Variants in ST3GAL3 observed in about 807,000 individuals in gnomAD.
ST3GAL3 encodes the protein ST3 beta-galactoside alpha-2,3-sialyltransferase 3, also known as CMP-N-acetylneuraminate-beta-1,4-galactoside alpha-2,3-sialyltransferase.
A neutral mutation model predicts 50.1 loss-of-function variants in ST3GAL3; 21 were observed. That is an observed-to-expected ratio of 0.42 (90% CI 0.30 to 0.60). ST3GAL3 has a LOEUF of 0.60. Ranked by LOEUF, ST3GAL3 falls within the 20% of genes least tolerant of loss-of-function variation. The pLI, the probability that ST3GAL3 is intolerant of heterozygous loss-of-function variation, is 0.19. For missense variants in ST3GAL3, 353 were observed against 489.4 expected, an observed-to-expected ratio of 0.72 and a Z score of 2.63; for synonymous variants, 183 against 190.0, an observed-to-expected ratio of 0.96 and a Z score of 0.30.
rs193207161 is a variant in ST3GAL3, at chr1:43,922,749, G to A, written c.1038+1821G>A. 7.9e-4 allele frequency among the ~76,000 whole-genome samples: 113 copies of A among 142,826 alleles called. 1 individual carries two copies. In the Middle Eastern group the frequency reaches 0.013, roughly 16 times the overall value. The allele number at this position is 142,826 out of a possible 152,430, so 93.7% of individuals were successfully genotyped here. On this transcript the variant is annotated intron_variant, in intron 11 of 11. Coordinates refer to ENST00000347631, the MANE Select transcript of ST3GAL3 (RefSeq NM_006279.5). Reference sequence around the variant, plus strand: ...TGGGAGGTGGAGGTTGCAGTGAGCCGAGATCATGCCACTGCACTCCAGCCT... The same window carrying A: ...TGGGAGGTGGAGGTTGCAGTGAGCCAAGATCATGCCACTGCACTCCAGCCT...
At chr1:43,867,301 A>G (rs774391474) in intron 5 of ST3GAL3, among the ~76,000 whole-genome samples, 3 of 152,200 alleles carry the variant, frequency 2.0e-5, no homozygotes, top group Non-Finnish European at 4.4e-5. Context: ...CAGCCAAACC[A>G]TATCAGTAGG....
chr1:43,915,260 C>A (rs566179578), intron 9 of ST3GAL3, among the ~76,000 whole-genome samples: 1 of 152,168 alleles, frequency 6.6e-6, no homozygotes, highest in South Asian at 2.1e-4. Context: ...CTTTAGTAAC[C>A]GTCACTGATG....
chr1:43,758,310 GTGCAATTATAGTTCAC>G (rs1359954006), intron 2 of ST3GAL3, among the ~76,000 whole-genome samples: 1 of 152,116 alleles, frequency 6.6e-6, no homozygotes, highest in Admixed American at 6.5e-5. Flanking sequence ...GAGTGCAGTG[GTGCAATTATAGTTCAC>G]TGCAACCTCA....
At chr1:43,792,172 C>G in intron 3 of ST3GAL3, 23 bp downstream of exon 3, 8 of 1,614,206 alleles carry the variant, frequency 5.0e-6, no homozygotes, top group Non-Finnish European at 6.8e-6. Flanking sequence ...CCCCCTCTAT[C>G]ATCTTTTTGG....
At chr1:43,740,419 C>T (rs1393429314) in intron 2 of ST3GAL3, among the ~76,000 whole-genome samples, 2 of 151,664 alleles carry the variant, frequency 1.3e-5, no homozygotes, top group Admixed American at 1.3e-4. Flanking sequence ...CGGGTAGTTG[C>T]CTCTTTGCAA....
At chr1:43,758,548 A>G (rs1196350672) in intron 2 of ST3GAL3, among the ~76,000 whole-genome samples, 1 of 152,096 alleles carries the variant, frequency 6.6e-6, no homozygotes, top group African/African-American at 2.4e-5. Flanking sequence ...CACCGCACCT[A>G]ATCTTAATAA....
At chr1:43,778,636 CTTTTTTTCT>C (rs1441089230) in intron 2 of ST3GAL3, among the ~76,000 whole-genome samples, 12 of 125,936 alleles carry the variant, frequency 9.5e-5, no homozygotes, top group African/African-American at 2.8e-4. Flanking sequence ...GATTTCTTTT[CTTTTTTTCT>C]TTTTTTTTTT....
chr1:43,743,184 AT>A (rs1181606927), intron 2 of ST3GAL3, among the ~76,000 whole-genome samples: 2 of 146,194 alleles, frequency 1.4e-5, no homozygotes, highest in African/African-American at 5.0e-5. Flanking sequence ...GGAAAAAAAA[AT>A]AAATAATGGC....
At chr1:43,723,596 A>T (rs1438466889) in intron 1 of ST3GAL3, among the ~76,000 whole-genome samples, 1 of 151,582 alleles carries the variant, frequency 6.6e-6, no homozygotes, top group Non-Finnish European at 1.5e-5. Flanking sequence ...TTCTTTTTTT[A>T]TACCAGTCTC....
At chr1:43,749,828 CAG>C (rs150622317) in intron 2 of ST3GAL3, among the ~76,000 whole-genome samples, 224 of 152,238 alleles carry the variant, frequency 1.5e-3, no homozygotes, top group African/African-American at 5.2e-3. Flanking sequence ...AAGGGCTTGA[CAG>C]AGAGAGTTTG....
At chr1:43,890,138 T>A (rs1200938717) in intron 5 of ST3GAL3, among the ~76,000 whole-genome samples, 1 of 152,156 alleles carries the variant, frequency 6.6e-6, no homozygotes, top group East Asian at 1.9e-4. Context: ...TAGTTAAAAT[T>A]TTAGGTGTGA....
At chr1:43,731,421 GTCAC>G (rs1675760623) in intron 1 of ST3GAL3, among the ~76,000 whole-genome samples, 1 of 121,814 alleles carries the variant, frequency 8.2e-6, no homozygotes, top group Non-Finnish European at 1.6e-5. Context: ...GTCTTGCTCT[GTCAC>G]TCGGGCTGGA....
At chr1:43,719,390 G>A (rs1557993467) in intron 1 of ST3GAL3, among the ~76,000 whole-genome samples, 2 of 149,898 alleles carry the variant, frequency 1.3e-5, no homozygotes, top group Admixed American at 1.3e-4. Context: ...GGCCAGGCAC[G>A]GTGGCTCATG....
At chr1:43,795,743 C>G (rs1205228581) in intron 3 of ST3GAL3, among the ~76,000 whole-genome samples, 2 of 152,202 alleles carry the variant, frequency 1.3e-5, no homozygotes, top group Non-Finnish European at 2.9e-5. Flanking sequence ...CACACTCACT[C>G]TATCTCTGAA....
At chr1:43,900,504 G>A (rs1181433365) in intron 9 of ST3GAL3, among the ~76,000 whole-genome samples, 2 of 151,760 alleles carry the variant, frequency 1.3e-5, no homozygotes, top group East Asian at 2.0e-4. Context: ...GGACATCCGT[G>A]AACTTGTCCA....
intron 4 of ST3GAL3, among the ~76,000 whole-genome samples, chr1:43,836,956 G>A (rs1490921822): frequency 1.4e-5 from 1 of 69,432 alleles, no homozygotes; most frequent in Non-Finnish European, 2.8e-5. Flanking sequence ...ATATGTAGCA[G>A]TCTCAGCCTT....
intron 4 of ST3GAL3, among the ~76,000 whole-genome samples, chr1:43,818,173 T>C (rs924826738): frequency 6.6e-6 from 1 of 152,202 alleles, no homozygotes; most frequent in African/African-American, 2.4e-5. Flanking sequence ...CTTCTCATTA[T>C]ATTAACTTAT....
chr1:43,759,043 T>TA lies in ST3GAL3; in HGVS notation c.118+22669dup, dbSNP rs200565951. Among the ~76,000 whole-genome samples the TA allele has an allele frequency of 5.8e-3, 738 of 127,532 alleles. 16 individuals are homozygous for TA. Among genetic ancestry groups the TA allele is most frequent in the African/African-American group, 0.023 (684 of 30,278 alleles). The allele number at this position is 127,532 out of a possible 152,430, so 83.7% of individuals were successfully genotyped here. ...TGGGCAACAGAGCGAGACTGTCTCC[T>TA]AAAAAACAAACAAAAGCGCGCGCAC... On this transcript the variant is annotated intron_variant, in intron 2 of 11. Coordinates refer to ENST00000347631, the MANE Select transcript of ST3GAL3 (RefSeq NM_006279.5).
At chr1:43,844,235 T>A (rs547955176) in intron 5 of ST3GAL3, among the ~76,000 whole-genome samples, 3 of 152,262 alleles carry the variant, frequency 2.0e-5, no homozygotes, top group African/African-American at 7.2e-5. Context: ...ATTCATTGCA[T>A]CATTGACCAC....
Sources: allele counts gnomAD v4.1 joint callset (sites outside exome capture counted in the v4.1 genomes callset), GRCh38; gene constraint gnomAD v4.1.1; transcripts MANE v1.5; gene names NCBI Gene and HGNC (gene_info 2026-07-23, HGNC 2026-07-21).